The following LAMA2 variants were observed in gnomAD, a reference collection of about 807,000 sequenced individuals.
LAMA2 encodes the protein laminin subunit alpha-2.
LAMA2 carries 269 observed loss-of-function variants against 364.8 expected under a neutral mutation model. The ratio of observed to expected loss-of-function variants is 0.74; its 90% CI spans 0.67 to 0.82. The LOEUF (loss-of-function observed/expected upper bound fraction) is 0.82, where lower values mean the gene tolerates loss of function less well. Ranked by LOEUF, LAMA2 falls within the 40% of genes least tolerant of loss-of-function variation. The pLI is 0.00. For synonymous variants in LAMA2, 1,379 were observed against 1,370.6 expected (o/e 1.01, Z -0.14); for missense variants, 3,807 against 3,873.2 (o/e 0.98, Z 0.45).
At chr6:129,155,328 T>C (rs1459967834) in intron 8 of LAMA2, among the ~76,000 whole-genome samples, 1 of 152,148 alleles carries the variant, frequency 6.6e-6, no homozygotes, top group Non-Finnish European at 1.5e-5. Flanking sequence ...GCCAAATTAG[T>C]AATAATGTAT....
Position 129,291,641 on chromosome 6 carries a change from T to C in LAMA2, c.2777T>C (p.Phe926Ser), listed in dbSNP as rs1789709370. Residue 926 changes from phenylalanine to serine, a missense_variant, in exon 20 of 65, where the codon TTC (phenylalanine) becomes TCC (serine). This residue lies in a region of LAMA2 where 3,333 missense variants were observed against 3,345.7 expected (regional missense o/e 1.00). Coordinates refer to ENST00000421865, the MANE Select transcript of LAMA2 (RefSeq NM_000426.4). ...QPCRCNAGGS[F>S]SEVCHSQTGQ... Reference sequence around the variant, plus strand: ...TGTCGCTGTAATGCCGGTGGCTCTTTCTCTGAGGTTTGCCACAGTCAAACT... The same window carrying C: ...TGTCGCTGTAATGCCGGTGGCTCTTCCTCTGAGGTTTGCCACAGTCAAACT... The C allele has an allele frequency of 6.2e-7, 1 of 1,614,002 alleles. No individual in the cohort carries two copies. The highest frequency in any genetic ancestry group is 1.3e-5 in the African/African-American group (1 of 74,916).
At position 129,297,680 on chromosome 6, in the gene LAMA2, G is replaced by A. The variant is rs1205667165; in HGVS notation, c.2857-5G>A. On this transcript the variant is annotated splice_region_variant and splice_polypyrimidine_tract_variant and intron_variant, in intron 20 of 64. Coordinates refer to ENST00000421865, the MANE Select transcript of LAMA2 (RefSeq NM_000426.4). ...TTTAATTTTTCTCTCCTCTTCCATT[G>A]CCAGGCTGGGACCTTTGGCCTACAA... The A allele has an allele frequency of 6.2e-7, 1 of 1,613,332 alleles. No homozygotes were observed.
At chr6:129,502,186 T>C (rs912266438) in intron 58 of LAMA2, among the ~76,000 whole-genome samples, 8 of 152,174 alleles carry the variant, frequency 5.3e-5, no homozygotes, top group Non-Finnish European at 8.8e-5. Context: ...CATGGAAACC[T>C]TCTAGTGGAC....
intron 37 of LAMA2, among the ~76,000 whole-genome samples, chr6:129,400,031 A>C (rs956784042): frequency 6.6e-6 from 1 of 152,190 alleles, no homozygotes; most frequent in Non-Finnish European, 1.5e-5. Flanking sequence ...ATGCAATCAA[A>C]ACTTATTTCT....
In LAMA2 at chr6:129,297,789, C is replaced by G; in HGVS notation, c.2961C>G (p.Cys987Trp). ...GTGAAGAGAGTGGACAATGTTGGTG[C>G]CAACCTGGAGTCACAGGGAAGAAAT... ...FDCEESGQCW[C>W]QPGVTGKKCD... The change falls in exon 21 of 65, where the codon TGC (cysteine) becomes TGG (tryptophan). Residue 987 changes from cysteine to tryptophan, a missense_variant. Cys to Trp is a radical substitution (Grantham distance 215, BLOSUM62 -2). This residue lies in a region of LAMA2 where 3,333 missense variants were observed against 3,345.7 expected (regional missense o/e 1.00). Transcript: ENST00000421865. 6.2e-7 allele frequency: 1 copy of G among 1,614,016 alleles called. No individual in the cohort carries two copies. The highest frequency in any genetic ancestry group is 8.5e-7 in the Non-Finnish European group (1 of 1,179,948).
intron 13 of LAMA2, among the ~76,000 whole-genome samples, chr6:129,251,022 CTCTCTCTG>C: frequency 4.4e-5 from 6 of 135,174 alleles, no homozygotes; most frequent in African/African-American, 1.6e-4. Flanking sequence ...CTCTTTCTCT[CTCTCTCTG>C]TCTCTCTCTT....
At chr6:128,948,877 T>C (rs1780640184) in intron 1 of LAMA2, among the ~76,000 whole-genome samples, 1 of 152,186 alleles carries the variant, frequency 6.6e-6, no homozygotes, top group Admixed American at 6.5e-5. Context: ...ATCAGATGTC[T>C]GCACCATGGT....
intron 1 of LAMA2, among the ~76,000 whole-genome samples, chr6:128,988,239 G>A (rs568622203): frequency 6.6e-6 from 1 of 152,230 alleles, no homozygotes; most frequent in African/African-American, 2.4e-5. Flanking sequence ...GTTATTTGAC[G>A]AGAACATACA....
At chr6:129,096,968 T>A (rs190859977) in intron 3 of LAMA2, among the ~76,000 whole-genome samples, 7 of 152,156 alleles carry the variant, frequency 4.6e-5, no homozygotes, top group Admixed American at 3.3e-4. Context: ...TATGCATGAG[T>A]TACCATGTCA....
chr6:129,502,373 C>G (rs1785714190), intron 58 of LAMA2, among the ~76,000 whole-genome samples: 1 of 152,116 alleles, frequency 6.6e-6, no homozygotes, highest in African/African-American at 2.4e-5. Flanking sequence ...CCAGTTTTCT[C>G]AGAAATATAC....
At chr6:129,081,086 C>G (rs573330241) in intron 3 of LAMA2, among the ~76,000 whole-genome samples, 1 of 152,252 alleles carries the variant, frequency 6.6e-6, no homozygotes, top group Admixed American at 6.5e-5. Context: ...AGTTCATGTC[C>G]TTTGTAGGGA....
At chr6:129,312,632 C>T (rs1001269439) in intron 22 of LAMA2, among the ~76,000 whole-genome samples, 10 of 152,172 alleles carry the variant, frequency 6.6e-5, no homozygotes, top group African/African-American at 2.2e-4. Context: ...TTCTAATTCA[C>T]ATAGCATTAT....
At chr6:128,929,734 T>G (rs1231672489) in intron 1 of LAMA2, 3 of 1,286,060 alleles carry the variant, frequency 2.3e-6, no homozygotes, top group African/African-American at 1.4e-5. Flanking sequence ...TCCCAATTCT[T>G]GTACCAATCG....
intron 22 of LAMA2, among the ~76,000 whole-genome samples, chr6:129,304,421 G>A (rs911072914): frequency 6.6e-6 from 1 of 151,974 alleles, no homozygotes; most frequent in Non-Finnish European, 1.5e-5. Flanking sequence ...CCGCCACTAC[G>A]CCCGGCTAAT....
chr6:129,190,733 G>C (rs1562314695), intron 11 of LAMA2, among the ~76,000 whole-genome samples: 3 of 152,106 alleles, frequency 2.0e-5, no homozygotes, highest in Non-Finnish European at 2.9e-5. Context: ...TGTATCATCT[G>C]TATACATAAT....
intron 12 of LAMA2, among the ~76,000 whole-genome samples, chr6:129,197,695 C>G (rs1013949076): frequency 6.6e-6 from 1 of 152,096 alleles, no homozygotes; most frequent in Admixed American, 6.5e-5. Context: ...TGATTGAGAC[C>G]TGTTTCTGAT....
chr6:129,145,717 A>C (rs1778393402), intron 5 of LAMA2, among the ~76,000 whole-genome samples: 1 of 151,984 alleles, frequency 6.6e-6, no homozygotes, highest in Non-Finnish European at 1.5e-5. Context: ...ACATATAAAT[A>C]TGTTTTTTGA....
intron 4 of LAMA2, among the ~76,000 whole-genome samples, chr6:129,112,694 CA>C (rs1776228100): frequency 6.6e-6 from 1 of 151,012 alleles, no homozygotes; most frequent in African/African-American, 2.4e-5. Context: ...AGATCTCTAG[CA>C]CAGAAAAGTC....
At chr6:129,044,005 G>C (rs1433947668) in intron 1 of LAMA2, among the ~76,000 whole-genome samples, 1 of 152,064 alleles carries the variant, frequency 6.6e-6, no homozygotes, top group Non-Finnish European at 1.5e-5. Context: ...CACCTGCTGT[G>C]GCTATTTTTA....
Sources: allele counts gnomAD v4.1 joint callset (sites outside exome capture counted in the v4.1 genomes callset), GRCh38; gene constraint gnomAD v4.1.1; regional missense constraint gnomAD v4.1.1; transcripts MANE v1.5; gene names NCBI Gene and HGNC (gene_info 2026-07-23, HGNC 2026-07-21).